The following FAM47E variants were observed in gnomAD, a reference collection of about 807,000 sequenced individuals.
FAM47E encodes protein FAM47E.
In FAM47E, 32 loss-of-function variants were observed where a neutral mutation model predicts 41.6. The observed-to-expected ratio is 0.77, with a 90% CI of 0.58 to 1.03. The LOEUF is 1.03. FAM47E is among the 50% of genes least tolerant of loss of function. FAM47E has a pLI of 0.00. For synonymous variants in FAM47E, 184 were observed against 188.7 expected (o/e 0.98, Z 0.20); for missense variants, 424 against 485.4 (o/e 0.87, Z 1.19).
intron 7 of FAM47E, 31 bp downstream of exon 7, chr4:76,280,372 C>T: frequency 7.9e-7 from 1 of 1,265,272 alleles, no homozygotes; most frequent in South Asian, 1.3e-5. Flanking sequence ...GAAGGCCCTG[C>T]TGAGGGGCTT....
chr4:76,270,935 C>A (rs912455846), intron 4 of FAM47E, among the ~76,000 whole-genome samples: 26 of 152,170 alleles, frequency 1.7e-4, no homozygotes, highest in African/African-American at 6.0e-4. Context: ...CATGACTCCT[C>A]TCTATAAATT....
chr4:76,264,834 G>T (rs374801295), intron 3 of FAM47E, among the ~76,000 whole-genome samples: 1 of 152,192 alleles, frequency 6.6e-6, no homozygotes, highest in Non-Finnish European at 1.5e-5. Context: ...GGCCTCAAGT[G>T]ATCTGCCCAC....
At chr4:76,251,340 T>G (rs937338850), upstream of FAM47E, among the ~76,000 whole-genome samples, 1 of 152,178 alleles carries the variant, frequency 6.6e-6, no homozygotes, top group African/African-American at 2.4e-5. Context: ...TTCCCAACCT[T>G]TAGAAATCTA....
At chr4:76,282,176 T>C (rs1473484622) in intron 7 of FAM47E, 2 of 152,186 alleles carry the variant, frequency 1.3e-5, no homozygotes, top group African/African-American at 4.8e-5. Flanking sequence ...TAACCTATGA[T>C]TAGCAAGATA....
intron 2 of FAM47E, among the ~76,000 whole-genome samples, chr4:76,227,000 T>TTTTGTG (rs112860143): frequency 1.3e-5 from 2 of 151,398 alleles, no homozygotes; most frequent in Admixed American, 1.3e-4. Context: ...GTCTTTCGAA[T>TTTTGTG]TTTGTTTGTT....
intron 2 of FAM47E, chr4:76,234,508 T>C (rs1447807153): frequency 6.6e-6 from 1 of 152,182 alleles, no homozygotes; most frequent in Non-Finnish European, 1.5e-5. Context: ...GAATGCTTCC[T>C]GCTTTACGGT....
intron 2 of FAM47E, among the ~76,000 whole-genome samples, chr4:76,237,365 G>T (rs201075858): frequency 0.019 from 1,326 of 71,670 alleles, 24 homozygotes; most frequent in African/African-American, 0.057. Flanking sequence ...TTTTTTTTTT[G>T]TTTGTTTGTT....
intron 3 of FAM47E, among the ~76,000 whole-genome samples, chr4:76,264,104 A>G (rs1444851827): frequency 6.6e-6 from 1 of 152,220 alleles, no homozygotes; most frequent in African/African-American, 2.4e-5. Context: ...CTTGAGGGGT[A>G]GAAACAGTGA....
intron 2 of FAM47E, chr4:76,234,465 ACAGGGAC>A (rs1337723123): frequency 1.3e-5 from 2 of 152,242 alleles, no homozygotes; most frequent in Admixed American, 1.3e-4. Flanking sequence ...AAAGGAAGAA[ACAGGGAC>A]TCTTGCTAGG....
intron 2 of FAM47E, among the ~76,000 whole-genome samples, chr4:76,245,563 C>T (rs925233095): frequency 1.3e-5 from 2 of 152,188 alleles, no homozygotes; most frequent in African/African-American, 4.8e-5. Context: ...CTAGCCGAAC[C>T]CAGCCCCCAG....
chr4:76,262,251 C>A (rs2110011409), intron 2 of FAM47E, among the ~76,000 whole-genome samples: 1 of 152,118 alleles, frequency 6.6e-6, no homozygotes, highest in East Asian at 1.9e-4. Context: ...CCAAGGAGAG[C>A]CCTAAAAGAA....
intron 2 of FAM47E, among the ~76,000 whole-genome samples, chr4:76,259,124 C>G (rs998898949): frequency 5.3e-5 from 8 of 152,160 alleles, no homozygotes; most frequent in Non-Finnish European, 8.8e-5. Flanking sequence ...GTGAAAAATA[C>G]AAGAGATCTC....
chr4:76,223,980 G>T (rs1169310643), intron 2 of FAM47E, among the ~76,000 whole-genome samples: 1 of 152,128 alleles, frequency 6.6e-6, no homozygotes, highest in Non-Finnish European at 1.5e-5. Flanking sequence ...TGATGATGTT[G>T]GGGGAATGTA....
Position 76,251,783 on chromosome 4 carries a change from T to C in FAM47E, c.37T>C (p.Leu13=), listed in dbSNP as rs954917190. 3 of 1,490,700 alleles carry C rather than the reference T, an allele frequency of 2.0e-6. No homozygotes were observed. Among genetic ancestry groups the C allele is most frequent in the African/African-American group, 2.9e-5 (2 of 68,528 alleles). The allele number at this position is 1,490,700 out of a possible 1,614,324, so 92.3% of individuals were successfully genotyped here. ...DRRRRLRPGT[L]APVREGVNCR... is the part of the protein sequence containing the mutation. ...CAGGCGGCGGCTCCGGCCGGGGACG[T>C]TGGCCCCGGTGCGCGAGGGCGTGAA... The change falls in exon 1 of 8, where the codon TTG becomes CTG. Residue 13 remains leucine (L), a synonymous_variant. Transcript: ENST00000424749.
Position 76,282,045 on chromosome 4 carries a change from G to C in FAM47E, c.1105-1336G>C, listed in dbSNP as rs1347604559. The C allele has an allele frequency of 5.3e-5, 3 of 56,692 alleles. No homozygotes were observed. The South Asian group carries it at 1.1e-3, about 21-fold the overall frequency. 3.5% of individuals were successfully genotyped at this position (56,692 alleles called of 1,614,324 possible). On this transcript the variant is annotated intron_variant, in intron 7 of 7. Coordinates refer to ENST00000424749, the MANE Select transcript of FAM47E (RefSeq NM_001136570.3). ...GAAGTAATTCTTTAACATAACATTT[G>C]TATGTAGAAGTACAGTACATTTGTA... is the stretch of plus-strand genomic sequence containing the variant.
chr4:76,273,728 C>T (rs4859657), intron 5 of FAM47E, among the ~76,000 whole-genome samples: 54,333 of 151,388 alleles, frequency 0.36, 10,295 homozygotes, highest in Admixed American at 0.42. Context: ...TTTTTCAATC[C>T]CTTCCCAGAA....
At chr4:76,276,651 AT>A (rs113225217) in intron 5 of FAM47E, among the ~76,000 whole-genome samples, 4 of 152,168 alleles carry the variant, frequency 2.6e-5, no homozygotes, top group African/African-American at 7.2e-5. Context: ...CAGGGTTACC[AT>A]TTTTTAAATT....
chr4:76,258,192 A>G (rs377384473), intron 2 of FAM47E, among the ~76,000 whole-genome samples: 8 of 152,208 alleles, frequency 5.3e-5, no homozygotes, highest in African/African-American at 1.9e-4. Context: ...TATGGTGCTA[A>G]GGTGGCCATC....
At chr4:76,241,334 G>A (rs1733705330) in intron 2 of FAM47E, among the ~76,000 whole-genome samples, 1 of 152,198 alleles carries the variant, frequency 6.6e-6, no homozygotes, top group East Asian at 1.9e-4. Flanking sequence ...AGGTGCTTCA[G>A]CCAGAGGAGG....
Sources: allele counts gnomAD v4.1 joint callset (sites outside exome capture counted in the v4.1 genomes callset), GRCh38; gene constraint gnomAD v4.1.1; transcripts MANE v1.5; gene names NCBI Gene and HGNC (gene_info 2026-07-23, HGNC 2026-07-21).